ADGRV1: variants seen among roughly 807,000 people sequenced by gnomAD.
The protein encoded by ADGRV1 is adhesion G protein-coupled receptor V1, also known as G-protein coupled receptor 98.
Under a neutral mutation model 596.2 loss-of-function variants are expected in ADGRV1, and 359 were observed. That is an observed-to-expected ratio of 0.60 (90% CI 0.55 to 0.66). The LOEUF is 0.66. ADGRV1 is among the 30% of genes least tolerant of loss of function. The probability of loss-of-function intolerance (pLI) is 0.00; values close to 1 mark genes in which losing one functional copy is unlikely to be tolerated. For missense variants in ADGRV1, 7,274 were observed against 7,575.6 expected, an observed-to-expected ratio of 0.96 and a Z score of 1.48; for synonymous variants, 2,681 against 2,679.2, an observed-to-expected ratio of 1.00 and a Z score of -0.02.
chr5:90,732,796 T>A (rs1418592428), intron 50 of ADGRV1, among the ~76,000 whole-genome samples: 1 of 152,208 alleles, frequency 6.6e-6, no homozygotes, highest in Non-Finnish European at 1.5e-5. Context: ...TTCTGTACAC[T>A]CATGAAAGAA....
intron 77 of ADGRV1, among the ~76,000 whole-genome samples, chr5:90,829,794 T>G (rs1367662111): frequency 1.3e-5 from 2 of 152,138 alleles, no homozygotes; most frequent in Non-Finnish European, 2.9e-5. Context: ...GCTTTTGTTT[T>G]AGCAGTGAAA....
At chr5:90,883,148 A>G (rs945744628) in intron 83 of ADGRV1, among the ~76,000 whole-genome samples, 1 of 152,192 alleles carries the variant, frequency 6.6e-6, no homozygotes. Flanking sequence ...TCAAAGACAC[A>G]ACTGTGAAGA....
chr5:91,033,487 A>G (rs892394659), intron 85 of ADGRV1, among the ~76,000 whole-genome samples: 1 of 152,144 alleles, frequency 6.6e-6, no homozygotes, highest in African/African-American at 2.4e-5. Flanking sequence ...TCTGACTGTT[A>G]ACTATTTGCC....
chr5:90,679,512 TGTTGTGTGG>T, intron 25 of ADGRV1, 28 bp from the exon 26 acceptor site: 1 of 1,457,364 alleles, frequency 6.9e-7, no homozygotes, highest in South Asian at 1.2e-5. Flanking sequence ...TGTCAATGTG[TGTTGTGTGG>T]GTTGTGTCTC....
intron 77 of ADGRV1, among the ~76,000 whole-genome samples, chr5:90,834,576 T>A (rs528415035): frequency 5.9e-5 from 9 of 151,556 alleles, no homozygotes; most frequent in South Asian, 2.1e-4. Flanking sequence ...TTTTTTTTTT[T>A]AAATCCTTAA....
intron 1 of ADGRV1, among the ~76,000 whole-genome samples, chr5:90,593,575 T>C (rs171630): frequency 0.72 from 109,408 of 151,920 alleles, 40,734 homozygotes; most frequent in African/African-American, 0.91. Context: ...ATTGTGCACA[T>C]GTACCCTAGA....
intron 1 of ADGRV1, among the ~76,000 whole-genome samples, chr5:90,559,995 A>C (rs1754599092): frequency 6.6e-6 from 1 of 152,198 alleles, no homozygotes; most frequent in Non-Finnish European, 1.5e-5. Flanking sequence ...GTGGCGAACT[A>C]TTCCGCCTAT....
At chr5:90,569,172 A>C (rs530729107) in intron 1 of ADGRV1, among the ~76,000 whole-genome samples, 26 of 151,764 alleles carry the variant, frequency 1.7e-4, no homozygotes, top group African/African-American at 5.6e-4. Context: ...CACCCCCCTA[A>C]TAGCAGTATT....
intron 30 of ADGRV1, 80 bp downstream of exon 30, chr5:90,690,156 C>G: frequency 2.5e-6 from 2 of 794,126 alleles, no homozygotes; most frequent in Non-Finnish European, 4.1e-6. Context: ...TTTGGAGACT[C>G]AGAATTGATC....
intron 1 of ADGRV1, among the ~76,000 whole-genome samples, chr5:90,567,803 G>A (rs544813765): frequency 1.6e-3 from 239 of 151,142 alleles, no homozygotes; most frequent in African/African-American, 5.0e-3. Flanking sequence ...GCAGTGGTGC[G>A]ATCTTGTCTC....
At position 90,685,597 on chromosome 5, in the gene ADGRV1, TATAAATAAATAAATAAATAAATAA is replaced by T. The variant is rs138476984; in HGVS notation, c.6275-161_6275-138del. ...GCCTGCGTGGTAGAGAGTCCATCTC[TATAAATAAATAAATAAATAAATAA>T]ATAAATAAATAAATAAATAAAATAA... On this transcript the variant is annotated intron_variant, in intron 28 of 89. Transcript: ENST00000405460. Among the ~76,000 whole-genome samples, 392 of 142,280 alleles carry T rather than the reference TATAAATAAATAAATAAATAAATAA, an allele frequency of 2.8e-3. 5 individuals carry two copies. In the East Asian group the frequency reaches 0.047, roughly 17 times the overall value. The allele number at this position is 142,280 out of a possible 152,430, so 93.3% of individuals were successfully genotyped here.
chr5:90,812,499 T>G (rs964405298), intron 74 of ADGRV1, among the ~76,000 whole-genome samples: 1 of 152,206 alleles, frequency 6.6e-6, no homozygotes, highest in African/African-American at 2.4e-5. Flanking sequence ...AAATTTACTA[T>G]CTTAGAAACT....
At chr5:90,921,057 TC>T (rs1314854948) in intron 83 of ADGRV1, among the ~76,000 whole-genome samples, 7 of 152,182 alleles carry the variant, frequency 4.6e-5, no homozygotes, top group African/African-American at 1.7e-4. Context: ...AATTTCAAGT[TC>T]CCTATGTGTT....
chr5:91,031,395 A>G, intron 85 of ADGRV1: 1 of 1,039,798 alleles, frequency 9.6e-7, no homozygotes, highest in South Asian at 1.4e-5. Flanking sequence ...GCTCTGTGCC[A>G]TGGTCCCGAA....
intron 83 of ADGRV1, among the ~76,000 whole-genome samples, chr5:90,921,894 C>T (rs889327759): frequency 7.3e-5 from 11 of 151,172 alleles, no homozygotes; most frequent in African/African-American, 2.2e-4. Flanking sequence ...ATGTGACTTC[C>T]GAGGTCATCC....
intron 75 of ADGRV1, among the ~76,000 whole-genome samples, chr5:90,818,244 T>A (rs1233827861): frequency 6.6e-6 from 1 of 151,940 alleles, no homozygotes; most frequent in African/African-American, 2.4e-5. Context: ...AGAATGCTTG[T>A]GATTTTTGTA....
chr5:91,138,594 T>C (rs942526288), intron 87 of ADGRV1, among the ~76,000 whole-genome samples: 3 of 152,100 alleles, frequency 2.0e-5, no homozygotes, highest in African/African-American at 7.2e-5. Flanking sequence ...TCGAAAATAA[T>C]AACATAATCT....
chr5:90,669,208 C>G (rs888518008), intron 21 of ADGRV1, among the ~76,000 whole-genome samples: 1 of 152,206 alleles, frequency 6.6e-6, no homozygotes, highest in African/African-American at 2.4e-5. Context: ...TACCATTCGG[C>G]TAGCATGAAA....
intron 87 of ADGRV1, among the ~76,000 whole-genome samples, chr5:91,109,139 A>G (rs1192720428): frequency 2.0e-5 from 3 of 152,196 alleles, no homozygotes; most frequent in Admixed American, 1.3e-4. Context: ...GTTAATTTTT[A>G]TTGTTGAATA....
Sources: allele counts gnomAD v4.1 joint callset (sites outside exome capture counted in the v4.1 genomes callset), GRCh38; gene constraint gnomAD v4.1.1; transcripts MANE v1.5; gene names NCBI Gene and HGNC (gene_info 2026-07-23, HGNC 2026-07-21).